SHB: variants seen among roughly 807,000 people sequenced by gnomAD.
SHB encodes SH2 domain-containing adapter protein B.
A neutral mutation model predicts 52.3 loss-of-function variants in SHB; 20 were observed. That is an observed-to-expected ratio of 0.38 (90% CI 0.27 to 0.56). The LOEUF (loss-of-function observed/expected upper bound fraction) is 0.56, where lower values mean the gene tolerates loss of function less well. Ranked by LOEUF, SHB falls within the 20% of genes least tolerant of loss-of-function variation. SHB has a pLI of 0.71. For synonymous variants in SHB, 397 were observed against 316.5 expected, an observed-to-expected ratio of 1.25 and a Z score of -2.70; for missense variants, 825 against 723.3, an observed-to-expected ratio of 1.14 and a Z score of -1.61.
At chr9:38,067,886 C>T in intron 1 of SHB, 43 bp downstream of exon 1, 2 of 1,417,266 alleles carry the variant, frequency 1.4e-6, no homozygotes, top group Non-Finnish European at 1.8e-6. Flanking sequence ...CCCGTGCGCA[C>T]CGTGGCTCTG....
chr9:38,040,561 G>A (rs756123059), intron 1 of SHB, among the ~76,000 whole-genome samples: 34 of 152,182 alleles, frequency 2.2e-4, no homozygotes, highest in African/African-American at 8.0e-4. Flanking sequence ...AACAGCAAGC[G>A]AGTGGGCGGG....
intron 1 of SHB, among the ~76,000 whole-genome samples, chr9:38,019,438 G>A (rs373288789): frequency 1.1e-4 from 16 of 152,328 alleles, no homozygotes; most frequent in African/African-American, 3.6e-4. Flanking sequence ...CACACTGCTG[G>A]GGCCCCTGTG....
At chr9:38,043,813 C>T (rs1440263651) in intron 1 of SHB, among the ~76,000 whole-genome samples, 2 of 151,650 alleles carry the variant, frequency 1.3e-5, no homozygotes, top group East Asian at 1.9e-4. Flanking sequence ...GGCTTGAACC[C>T]GGGAGGTGGA....
chr9:38,066,266 G>A (rs927702179), intron 1 of SHB, among the ~76,000 whole-genome samples: 5 of 152,224 alleles, frequency 3.3e-5, no homozygotes, highest in Non-Finnish European at 7.3e-5. Context: ...CAGTGGAAGA[G>A]AAAGGAGATC....
At chr9:38,061,290 G>T (rs1337046961) in intron 1 of SHB, among the ~76,000 whole-genome samples, 1 of 148,138 alleles carries the variant, frequency 6.8e-6, no homozygotes, top group Admixed American at 6.8e-5. Context: ...CAGTATGGGG[G>T]ACAGGAGTGA....
At chr9:37,936,209 C>CT (rs775675352) in intron 5 of SHB, among the ~76,000 whole-genome samples, 4 of 152,104 alleles carry the variant, frequency 2.6e-5, no homozygotes, top group African/African-American at 7.2e-5. Context: ...GAGCGGGACT[C>CT]TGTCTCAAAA....
intron 2 of SHB, chr9:38,015,419 T>C (rs1237899527): frequency 1.4e-6 from 1 of 703,050 alleles, no homozygotes; most frequent in Non-Finnish European, 2.6e-6. Context: ...TGACAAGGTT[T>C]TGTCATCAAG....
chr9:37,936,509 T>C (rs938737975), intron 5 of SHB, among the ~76,000 whole-genome samples: 1 of 152,176 alleles, frequency 6.6e-6, no homozygotes, highest in Non-Finnish European at 1.5e-5. Flanking sequence ...CTCCAAACGT[T>C]TCCTGAGTAC....
chr9:37,955,776 C>T, intron 4 of SHB, 107 bp downstream of exon 4: 1 of 1,129,280 alleles, frequency 8.9e-7, no homozygotes, highest in Non-Finnish European at 1.3e-6. Flanking sequence ...GTGTGAGCCA[C>T]CACGCCCGGC....
Position 37,990,157 on chromosome 9 carries a change from C to T in SHB, c.839-15320G>A, listed in dbSNP as rs563410165. Reference sequence around the variant, plus strand: ...CCCTGGTGGTCTGTTCCAATGGAGTCCCCTCTAGGTGCCCTGCTGACATGC... The same window carrying T: ...CCCTGGTGGTCTGTTCCAATGGAGTTCCCTCTAGGTGCCCTGCTGACATGC... On this transcript the variant is annotated intron_variant, in intron 2 of 5. Coordinates refer to ENST00000377707, the MANE Select transcript of SHB (RefSeq NM_003028.3). 8.1e-4 allele frequency among the ~76,000 whole-genome samples: 123 copies of T among 152,246 alleles called. 1 individual carries two copies. Among genetic ancestry groups the T allele is most frequent in the Middle Eastern group, 3.4e-3 (1 of 294 alleles).
chr9:37,998,243 A>T (rs964985682), intron 2 of SHB, among the ~76,000 whole-genome samples: 2 of 135,980 alleles, frequency 1.5e-5, no homozygotes, highest in African/African-American at 5.5e-5. Context: ...CACTAGGGCC[A>T]GGGCCCCAAC....
intron 5 of SHB, among the ~76,000 whole-genome samples, chr9:37,923,720 G>C (rs1482209912): frequency 2.0e-5 from 3 of 152,218 alleles, no homozygotes; most frequent in Non-Finnish European, 4.4e-5. Flanking sequence ...GGGTTCATCA[G>C]GCAAGGAGTA....
chr9:37,976,002 G>A (rs1237240410), intron 2 of SHB, among the ~76,000 whole-genome samples: 1 of 152,056 alleles, frequency 6.6e-6, no homozygotes, highest in African/African-American at 2.4e-5. Context: ...TTTTTATTGT[G>A]GTAAAATACA....
chr9:37,959,826 C>A (rs1013771811), intron 3 of SHB, among the ~76,000 whole-genome samples: 5 of 129,264 alleles, frequency 3.9e-5, no homozygotes, highest in African/African-American at 1.5e-4. Context: ...GATCTTAGCA[C>A]CCTAACTGCA....
chr9:37,994,712 C>T (rs537122740), intron 2 of SHB, among the ~76,000 whole-genome samples: 23 of 152,366 alleles, frequency 1.5e-4, no homozygotes, highest in African/African-American at 2.2e-4. Flanking sequence ...ACATAGAGTG[C>T]GCAGACACAC....
At chr9:37,961,782 TCTC>T in intron 3 of SHB, among the ~76,000 whole-genome samples, 1 of 152,328 alleles carries the variant, frequency 6.6e-6, no homozygotes, top group Middle Eastern at 3.4e-3. Flanking sequence ...AGAATTCCTT[TCTC>T]CTCCTCTGAG....
At chr9:38,015,949 C>T in intron 2 of SHB, 62 bp downstream of exon 2, 1 of 1,565,554 alleles carries the variant, frequency 6.4e-7, no homozygotes, top group Non-Finnish European at 8.7e-7. Context: ...CCGGCAGTGC[C>T]CTCACTCCCT....
intron 3 of SHB, among the ~76,000 whole-genome samples, chr9:37,961,915 T>A (rs1223953664): frequency 1.3e-5 from 2 of 152,158 alleles, no homozygotes; most frequent in Non-Finnish European, 2.9e-5. Flanking sequence ...CCTCGGAGTC[T>A]CCCCATGGCC....
intron 5 of SHB, among the ~76,000 whole-genome samples, chr9:37,943,845 CAA>C (rs1386880150): frequency 6.6e-6 from 1 of 152,206 alleles, no homozygotes; most frequent in Non-Finnish European, 1.5e-5. Flanking sequence ...CATTCCTTTG[CAA>C]AAACTCACCA....
Sources: gnomAD v4.1 joint callset for allele counts (sites outside exome capture counted in the v4.1 genomes callset) on GRCh38, gnomAD v4.1.1 for gene constraint, MANE v1.5 for transcripts, NCBI Gene and HGNC (gene_info 2026-07-23, HGNC 2026-07-21) for gene names.